Variants in TYW1 observed in about 807,000 individuals in gnomAD.
The protein encoded by TYW1 is tRNA-yW synthesizing protein 1 homolog, also known as S-adenosyl-L-methionine-dependent tRNA 4-demethylwyosine synthase TYW1.
TYW1 carries 46 observed loss-of-function variants against 96.2 expected under a neutral mutation model. The ratio of observed to expected loss-of-function variants is 0.48; its 90% CI spans 0.38 to 0.61. The LOEUF is 0.61. TYW1 is among the 20% of genes least tolerant of loss of function. The pLI, the probability that TYW1 is intolerant of heterozygous loss-of-function variation, is 0.00. For missense variants in TYW1, 684 were observed against 909.6 expected (o/e 0.75, Z 3.19); for synonymous variants, 274 against 323.0 (o/e 0.85, Z 1.63).
chr7:67,107,939 C>T (rs569837566), intron 12 of TYW1, among the ~76,000 whole-genome samples: 4 of 147,140 alleles, frequency 2.7e-5, no homozygotes, highest in African/African-American at 1.0e-4. Context: ...TGCAGTGGTG[C>T]GATCTGGGCT....
In TYW1 at chr7:67,072,857, CCATGGGCT is replaced by C. The variant is rs985003594; in HGVS notation, c.1274+5459_1274+5466del. ...ATCATAGCTCACTGGTACCTTGAAC[CCATGGGCT>C]CATGTGATCCTCCTGTCTCAGCCAC... On this transcript the variant is annotated intron_variant, in intron 10 of 15. Transcript: ENST00000359626. Among the ~76,000 whole-genome samples the C allele has an allele frequency of 2.0e-5, 3 of 151,552 alleles. 1 individual carries two copies. The highest frequency in any genetic ancestry group is 7.3e-5 in the African/African-American group (3 of 41,234).
chr7:67,097,278 T>C (rs1375042657), intron 11 of TYW1, among the ~76,000 whole-genome samples: 2 of 152,232 alleles, frequency 1.3e-5, no homozygotes, highest in African/African-American at 2.4e-5. Flanking sequence ...TCTGGTTTCA[T>C]GCAGTGGCTT....
chr7:67,029,415 G>GTATATATATATATA (rs55802244), intron 7 of TYW1, among the ~76,000 whole-genome samples: 29 of 94,342 alleles, frequency 3.1e-4, no homozygotes, highest in Admixed American at 7.1e-4. Flanking sequence ...GTGTGTGTGT[G>GTATATATATATATA]TATATATATA....
rs192206695 is a variant in TYW1 at position 67,224,493 on chromosome 7, A to C, written c.1978-13815A>C. 4.6e-5 allele frequency among the ~76,000 whole-genome samples: 7 copies of C among 152,320 alleles called. No homozygotes were observed. The East Asian group carries it at 1.3e-3, about 29-fold the overall frequency. On this transcript the variant is annotated intron_variant, in intron 15 of 15. Transcript: ENST00000359626. ...GTTCACCTTTGTTTCTGGCACTCCC[A>C]GCTGTTCCTGCTGGCACAGTTTCCT... is the stretch of plus-strand genomic sequence containing the variant.
chr7:67,162,264 A>G (rs1406017086), intron 13 of TYW1, among the ~76,000 whole-genome samples: 2 of 150,646 alleles, frequency 1.3e-5, no homozygotes, highest in Non-Finnish European at 3.0e-5. Context: ...CACTGAGCCA[A>G]GATTGCACCA....
At chr7:67,018,462 G>A (rs143165387) in intron 6 of TYW1, among the ~76,000 whole-genome samples, 1,972 of 151,934 alleles carry the variant, frequency 0.013, 39 homozygotes, top group African/African-American at 0.045. Flanking sequence ...GATTGCTTGA[G>A]CCCAGGAGTT....
Position 67,238,785 on chromosome 7 carries a change from A to G in TYW1, c.*256A>G, listed in dbSNP as rs1563085513. 6.8e-6 allele frequency: 9 copies of G among 1,325,712 alleles called. No individual in the cohort carries two copies. Among genetic ancestry groups the G allele is most frequent in the Non-Finnish European group, 8.7e-6 (9 of 1,033,624 alleles). 82.1% of individuals were successfully genotyped at this position (1,325,712 alleles called of 1,614,324 possible). A position where few individuals can be genotyped will look rare whatever the true frequency, so the allele number is the denominator to read the frequency against. On this transcript the variant is annotated 3_prime_UTR_variant, in exon 16 of 16. Coordinates refer to ENST00000359626, the MANE Select transcript of TYW1 (RefSeq NM_018264.4). ...AAGAGGAAAATTATTTTGGGGAGGA[A>G]CTACACAGTCGTGATTAGAATTTAT... is the stretch of plus-strand genomic sequence containing the variant.
chr7:67,094,487 T>C (rs1796825564), intron 11 of TYW1, among the ~76,000 whole-genome samples: 1 of 152,182 alleles, frequency 6.6e-6, no homozygotes, highest in Non-Finnish European at 1.5e-5. Flanking sequence ...AATTCTGTTG[T>C]TTTGCTTTAA....
At chr7:67,228,446 C>T (rs1801636023) in intron 15 of TYW1, among the ~76,000 whole-genome samples, 1 of 152,180 alleles carries the variant, frequency 6.6e-6, no homozygotes, top group Non-Finnish European at 1.5e-5. Context: ...CCTCCCACAA[C>T]ACATGGGAAT....
At chr7:67,000,295 T>A (rs1180273452) in intron 3 of TYW1, among the ~76,000 whole-genome samples, 1 of 151,978 alleles carries the variant, frequency 6.6e-6, no homozygotes, top group African/African-American at 2.4e-5. Context: ...ACAGCTATTT[T>A]AAAAAAATTT....
At chr7:67,075,734 T>C (rs1584530567) in intron 10 of TYW1, among the ~76,000 whole-genome samples, 1 of 152,004 alleles carries the variant, frequency 6.6e-6, no homozygotes, top group Non-Finnish European at 1.5e-5. Context: ...AATATGGGGG[T>C]TGAGGAGCAA....
chr7:67,045,752 G>A (rs1201838937), intron 7 of TYW1, among the ~76,000 whole-genome samples: 1 of 152,194 alleles, frequency 6.6e-6, no homozygotes, highest in Non-Finnish European at 1.5e-5. Context: ...AGTGTGATGG[G>A]TATGGGAGAT....
At chr7:67,009,518 G>A in intron 3 of TYW1, 65 bp from the exon 4 acceptor site, 1 of 1,405,770 alleles carries the variant, frequency 7.1e-7, no homozygotes, top group Non-Finnish European at 9.9e-7. Flanking sequence ...TGTGCCAACA[G>A]GGGTAATGAG....
intron 9 of TYW1, among the ~76,000 whole-genome samples, chr7:67,062,577 A>AAAAAAAG (rs773963932): frequency 6.8e-6 from 1 of 147,176 alleles, no homozygotes; most frequent in South Asian, 2.1e-4. Flanking sequence ...AAAAAAAAAA[A>AAAAAAAG]AAAAGAAAAG....
rs529243259 is a variant in TYW1 at position 67,071,209 on chromosome 7, G to T, written c.1274+3806G>T. 9.9e-5 allele frequency among the ~76,000 whole-genome samples: 15 copies of T among 152,120 alleles called. No homozygotes were observed. In the East Asian group the frequency reaches 2.1e-3, roughly 22 times the overall value. ...AGTCAGATTTTTCTCACTCTTCAGG[G>T]TTTGTTTTTTATTGCTTGCTCTGGG... On this transcript the variant is annotated intron_variant, in intron 10 of 15. Coordinates refer to ENST00000359626, the MANE Select transcript of TYW1 (RefSeq NM_018264.4).
At chr7:67,191,130 A>C (rs1252753823) in intron 14 of TYW1, among the ~76,000 whole-genome samples, 1 of 152,214 alleles carries the variant, frequency 6.6e-6, no homozygotes, top group Non-Finnish European at 1.5e-5. Context: ...TCATGGCAGA[A>C]GGCAGAGAAA....
chr7:67,161,968 C>G (rs1297867799), intron 13 of TYW1, among the ~76,000 whole-genome samples: 1 of 151,908 alleles, frequency 6.6e-6, no homozygotes, highest in Non-Finnish European at 1.5e-5. Context: ...TTTTGCAAGA[C>G]CAAGCTTCGG....
At chr7:67,011,335 G>C (rs1430281246) in intron 4 of TYW1, among the ~76,000 whole-genome samples, 1 of 152,258 alleles carries the variant, frequency 6.6e-6, no homozygotes, top group Admixed American at 6.5e-5. Flanking sequence ...ACTGCGCCCA[G>C]GCGCATTACT....
chr7:67,232,212 C>CA (rs201874001), intron 15 of TYW1, among the ~76,000 whole-genome samples: 396 of 152,050 alleles, frequency 2.6e-3, no homozygotes, highest in Non-Finnish European at 4.1e-3. Context: ...GCCTGGGTGA[C>CA]AGAGTGTCTG....
Sources: gnomAD v4.1 joint callset for allele counts (sites outside exome capture counted in the v4.1 genomes callset) on GRCh38, gnomAD v4.1.1 for gene constraint, MANE v1.5 for transcripts, NCBI Gene and HGNC (gene_info 2026-07-23, HGNC 2026-07-21) for gene names.